The following FGD5 variants were observed in gnomAD, a reference collection of about 807,000 sequenced individuals.
FGD5 encodes FYVE, RhoGEF and PH domain-containing protein 5.
FGD5 carries 28 observed loss-of-function variants against 133.4 expected under a neutral mutation model. The ratio of observed to expected loss-of-function variants is 0.21; its 90% confidence interval spans 0.16 to 0.29. The LOEUF (loss-of-function observed/expected upper bound fraction) is 0.29, where lower values mean the gene tolerates loss of function less well. Ranked by LOEUF, FGD5 falls within the 10% of genes least tolerant of loss-of-function variation. FGD5 has a pLI of 1.00. For missense variants in FGD5, 1,858 were observed against 1,895.2 expected (o/e 0.98, Z 0.36); for synonymous variants, 810 against 776.5 (o/e 1.04, Z -0.72).
rs749789574 is a variant in FGD5 at position 14,900,453 on chromosome 3, G to A, written c.3205G>A (p.Gly1069Ser). 9.3e-6 allele frequency: 15 copies of A among 1,613,172 alleles called. No individual in the cohort carries two copies. The South Asian group carries it at 1.1e-4, about 12-fold the overall frequency. The part of the protein sequence containing the change: ...PDSAEYDNTQ[G>S]ALSLISKVTD... ...CTCCGCCGAGTACGACAACACACAG[G>A]GTGAGTCCAGCGTGAATGCGGAGGG... is the stretch of plus-strand genomic sequence containing the variant. The change falls in exon 8 of 20, where the codon GGT becomes AGT. Residue 1069 changes from glycine to serine, a missense_variant and splice_region_variant. Coordinates refer to ENST00000285046, the MANE Select transcript of FGD5 (RefSeq NM_152536.4).
intron 18 of FGD5, among the ~76,000 whole-genome samples, chr3:14,926,611 T>G (rs1311559484): frequency 6.6e-6 from 1 of 152,156 alleles, no homozygotes; most frequent in Admixed American, 6.5e-5. Flanking sequence ...GTCCATTTCT[T>G]TTATAGGGTA....
intron 1 of FGD5, among the ~76,000 whole-genome samples, chr3:14,812,003 T>G (rs953690002): frequency 2.1e-4 from 16 of 76,284 alleles, no homozygotes; most frequent in Non-Finnish European, 1.4e-4. Context: ...ATCCTGCTGG[T>G]GTGTGTGTGT....
intron 1 of FGD5, among the ~76,000 whole-genome samples, chr3:14,834,061 G>T (rs2036769732): frequency 6.6e-6 from 1 of 152,180 alleles, no homozygotes. Context: ...GAAACCAAGG[G>T]TCTGTTATTG....
At chr3:14,823,420 C>A (rs145587453) in intron 1 of FGD5, among the ~76,000 whole-genome samples, 31 of 152,296 alleles carry the variant, frequency 2.0e-4, no homozygotes, top group African/African-American at 7.2e-4. Context: ...CCTCTAATAT[C>A]CCTCCCCTAC....
rs1278121944 is a variant in FGD5 at position 14,819,654 on chromosome 3, C to T, written c.583C>T (p.Leu195Phe). 11 of 1,549,114 alleles carry T rather than the reference C, an allele frequency of 7.1e-6. No homozygotes were observed. The highest frequency in any genetic ancestry group is 3.4e-4 in the Middle Eastern group (2 of 5,940). Residue 195 changes from leucine (L) to phenylalanine (F), a missense_variant, in exon 1 of 20, where the codon CTC becomes TTC. Leu to Phe is a conservative substitution (Grantham distance 22). Coordinates refer to ENST00000285046, the MANE Select transcript of FGD5 (RefSeq NM_152536.4). The surrounding 1 kb of genome is among the most constrained non-coding windows in gnomAD (Gnocchi z 4.1). ...AGAGGGGGTCTTCCAGAGCGACCTC[C>T]TCCTGCCTCACATCCATGGAGAGGA... ...AGEGVFQSDL[L>F]LPHIHGEDQE...
chr3:14,896,955 T>C (rs1158563632), intron 4 of FGD5: 2 of 153,588 alleles, frequency 1.3e-5, no homozygotes, highest in Non-Finnish European at 2.9e-5. Flanking sequence ...TTTTACACAG[T>C]ATATCAGGGT....
chr3:14,844,218 ATATATATATATAT>A (rs1413902418), intron 1 of FGD5, among the ~76,000 whole-genome samples: 530 of 21,674 alleles, frequency 0.024, 73 homozygotes, highest in East Asian at 0.071. Flanking sequence ...AAAAAAAAAA[ATATATATATATAT>A]ATATATATAT....
chr3:14,932,568 C>T lies in FGD5; in HGVS notation c.4198-9C>T, dbSNP rs753781557. On this transcript the variant is annotated splice_polypyrimidine_tract_variant and intron_variant, in intron 18 of 19. Coordinates refer to ENST00000285046, the MANE Select transcript of FGD5 (RefSeq NM_152536.4). The stretch of plus-strand genomic sequence containing the variant: ...GTTTAATGTCAATTTTTCCTTCTGT[C>T]CTCTGCAGGACAAAGTGGCCTTGGA... 1.2e-6 allele frequency: 2 copies of T among 1,608,558 alleles called. No homozygotes were observed. The highest frequency in any genetic ancestry group is 2.2e-5 in the East Asian group (1 of 44,874).
At chr3:14,921,851 C>A in intron 13 of FGD5, 67 bp from the exon 14 acceptor site, 4 of 1,455,198 alleles carry the variant, frequency 2.7e-6, no homozygotes, top group Non-Finnish European at 3.8e-6. Flanking sequence ...GAACCTCATC[C>A]ATGCCGAGAT....
intron 11 of FGD5, among the ~76,000 whole-genome samples, chr3:14,913,599 G>A (rs1173558800): frequency 6.6e-6 from 1 of 152,174 alleles, no homozygotes; most frequent in Non-Finnish European, 1.5e-5. Context: ...GCAGTGAGGC[G>A]GCAGATGGCA....
intron 2 of FGD5, among the ~76,000 whole-genome samples, chr3:14,874,072 G>A (rs1209537194): frequency 6.6e-6 from 1 of 150,524 alleles, no homozygotes; most frequent in Non-Finnish European, 1.5e-5. Context: ...AGGAAAATGT[G>A]GTCTGTGTAT....
intron 2 of FGD5, among the ~76,000 whole-genome samples, chr3:14,865,195 C>T (rs974418871): frequency 3.3e-5 from 5 of 151,790 alleles, no homozygotes; most frequent in African/African-American, 9.7e-5. Flanking sequence ...CCCCTTCGCC[C>T]GCTTCCCAGC....
At chr3:14,882,228 TG>T in intron 4 of FGD5, 1 of 890,840 alleles carries the variant, frequency 1.1e-6, no homozygotes, top group Non-Finnish European at 1.3e-6. Context: ...CCCTTATTTC[TG>T]GGCTGACAGC....
chr3:14,864,468 C>T (rs2037457349), intron 2 of FGD5, among the ~76,000 whole-genome samples: 1 of 152,208 alleles, frequency 6.6e-6, no homozygotes, highest in African/African-American at 2.4e-5. Context: ...GGCAACTGCT[C>T]ATGCCGGTAT....
rs576685210 is a variant in FGD5 at position 14,891,781 on chromosome 3, C to T, written c.2749-5728C>T. Reference sequence around the variant, plus strand: ...CTTCTTGTCTGATGGCGCAGGCACACGCCTCTGGGCAGATGTTGGAGGCAC... The same window carrying T: ...CTTCTTGTCTGATGGCGCAGGCACATGCCTCTGGGCAGATGTTGGAGGCAC... On this transcript the variant is annotated intron_variant, in intron 4 of 19. Coordinates refer to ENST00000285046, the MANE Select transcript of FGD5 (RefSeq NM_152536.4). Among the ~76,000 whole-genome samples the T allele has an allele frequency of 8.6e-4, 131 of 152,328 alleles. 1 individual carries two copies. Among genetic ancestry groups the T allele is most frequent in the African/African-American group, 3.0e-3 (123 of 41,570 alleles).
chr3:14,872,027 A>G (rs184311955), intron 2 of FGD5, among the ~76,000 whole-genome samples: 45 of 152,300 alleles, frequency 3.0e-4, no homozygotes, highest in Non-Finnish European at 4.7e-4. Flanking sequence ...GCCTGTTGAC[A>G]AGATCCTCAG....
At chr3:14,894,227 T>C (rs2038089237) in intron 4 of FGD5, among the ~76,000 whole-genome samples, 1 of 152,190 alleles carries the variant, frequency 6.6e-6, no homozygotes, top group Non-Finnish European at 1.5e-5. Context: ...CTGTGCTTGG[T>C]TTATTCACTT....
chr3:14,898,189 G>T, intron 6 of FGD5, 94 bp downstream of exon 6: 1 of 1,520,246 alleles, frequency 6.6e-7, no homozygotes. Flanking sequence ...ATCTTGGTAG[G>T]TGTGGGGCTG....
intron 1 of FGD5, among the ~76,000 whole-genome samples, chr3:14,830,611 G>C (rs1446528168): frequency 2.0e-5 from 3 of 152,238 alleles, no homozygotes; most frequent in African/African-American, 7.2e-5. Flanking sequence ...TATTGTTGGA[G>C]TTCTTCGGTG....
Sources: gnomAD v4.1 joint callset for allele counts (sites outside exome capture counted in the v4.1 genomes callset) on GRCh38, gnomAD v4.1.1 for gene constraint, Gnocchi (gnomAD v3.1) non-coding constraint, MANE v1.5 for transcripts, NCBI Gene and HGNC (gene_info 2026-07-23, HGNC 2026-07-21) for gene names.